Variants in SLC25A25 observed in about 807,000 individuals in gnomAD.
SLC25A25 encodes the protein mitochondrial adenyl nucleotide antiporter SLC25A25.
In SLC25A25, 32 loss-of-function variants were observed where a neutral mutation model predicts 57.7. That is an observed-to-expected ratio of 0.55 (90% CI 0.42 to 0.74). The LOEUF (loss-of-function observed/expected upper bound fraction) is 0.74, where lower values mean the gene tolerates loss of function less well. SLC25A25 is among the 30% of genes least tolerant of loss of function. The probability of loss-of-function intolerance (pLI) is 0.00; values close to 1 mark genes in which losing one functional copy is unlikely to be tolerated. For missense variants in SLC25A25, 556 were observed against 701.3 expected (o/e 0.79, Z 2.34); for synonymous variants, 306 against 291.2 (o/e 1.05, Z -0.52).
rs114507768 is a variant in SLC25A25, at chr9:128,086,862, G to A, written c.262-14234G>A. 7.5e-3 allele frequency among the ~76,000 whole-genome samples: 1,146 copies of A among 152,222 alleles called. 16 individuals carry two copies. Among genetic ancestry groups the A allele is most frequent in the African/African-American group, 0.027 (1,102 of 41,532 alleles). The stretch of plus-strand genomic sequence containing the variant: ...CCTCATGCATTTTACTGTTACACAC[G>A]TTATAAACCCACAGTGTATTGTTTT... On this transcript the variant is annotated intron_variant, in intron 1 of 10. Coordinates refer to ENST00000373069, the MANE Select transcript of SLC25A25 (RefSeq NM_001330988.2).
intron 1 of SLC25A25, among the ~76,000 whole-genome samples, chr9:128,080,234 A>G (rs139718385): frequency 1.3e-5 from 1 of 75,866 alleles, no homozygotes; most frequent in Non-Finnish European, 3.3e-5. Context: ...CCATCTAAAA[A>G]AAAAAAACAA....
intron 1 of SLC25A25, among the ~76,000 whole-genome samples, chr9:128,083,091 T>G (rs12335413): frequency 0.74 from 112,754 of 151,590 alleles, 43,713 homozygotes; most frequent in Non-Finnish European, 0.85. Context: ...AGCCGGGCAT[T>G]GTGGCGGGCG....
rs953406299 is a variant in SLC25A25, at chr9:128,105,235, A to G, written c.784-494A>G. Among the ~76,000 whole-genome samples the G allele has an allele frequency of 2.3e-5, 3 of 129,002 alleles. No individual in the cohort carries two copies. In the East Asian group the frequency reaches 7.2e-4, roughly 31 times the overall value. The allele number at this position is 129,002 out of a possible 152,430, so 84.6% of individuals were successfully genotyped here. On this transcript the variant is annotated intron_variant, in intron 6 of 10. Coordinates refer to ENST00000373069, the MANE Select transcript of SLC25A25 (RefSeq NM_001330988.2). ...GCCCAGGCTGGAGTACAGGGGCGCG[A>G]TCTTGGCTCACTGCAACCTCCACCT... is the stretch of plus-strand genomic sequence containing the variant.
At position 128,075,185 on chromosome 9, in the gene SLC25A25, G is replaced by GTAGTC. The variant is rs1421865103; in HGVS notation, c.261+6609_261+6613dup. Reference sequence around the variant, plus strand: ...TAGCTGGGCATGGTGGCCCATGCCTGTAGTCTAGCTACTCGGGAGGCTGGG... The same window carrying GTAGTC: ...TAGCTGGGCATGGTGGCCCATGCCTGTAGTCTAGTCTAGCTACTCGGGAGGCTGGG... On this transcript the variant is annotated intron_variant, in intron 1 of 10. Coordinates refer to ENST00000373069, the MANE Select transcript of SLC25A25 (RefSeq NM_001330988.2). Among the ~76,000 whole-genome samples, 6 of 152,212 alleles carry GTAGTC rather than the reference G, an allele frequency of 3.9e-5. No individual in the cohort carries two copies. The East Asian group carries it at 1.2e-3, about 29-fold the overall frequency.
chr9:128,108,479 C>T lies in SLC25A25; in HGVS notation c.*1035C>T. On this transcript the variant is annotated 3_prime_UTR_variant, in exon 11 of 11. Coordinates refer to ENST00000373069, the MANE Select transcript of SLC25A25 (RefSeq NM_001330988.2). ...CCCAGCAGGGGCGCAGCGGGACCAG[C>T]CCCACATTCCACTTGTGTCACTGCT... 2.6e-6 allele frequency: 1 copy of T among 390,510 alleles called. No individual in the cohort carries two copies. The highest frequency in any genetic ancestry group is 4.5e-6 in the Non-Finnish European group (1 of 221,290). 24.2% of individuals were successfully genotyped at this position (390,510 alleles called of 1,614,324 possible).
Position 128,108,475 on chromosome 9 carries a change from C to G in SLC25A25, c.*1031C>G, listed in dbSNP as rs1220491222. Reference sequence around the variant, plus strand: ...CAACCCCAGCAGGGGCGCAGCGGGACCAGCCCCACATTCCACTTGTGTCAC... The same window carrying G: ...CAACCCCAGCAGGGGCGCAGCGGGAGCAGCCCCACATTCCACTTGTGTCAC... On this transcript the variant is annotated 3_prime_UTR_variant, in exon 11 of 11. Coordinates refer to ENST00000373069, the MANE Select transcript of SLC25A25 (RefSeq NM_001330988.2). The G allele has an allele frequency of 5.1e-6, 2 of 391,394 alleles. No homozygotes were observed. Among genetic ancestry groups the G allele is most frequent in the Non-Finnish European group, 4.5e-6 (1 of 221,920 alleles). The allele number at this position is 391,394 out of a possible 1,614,324, so 24.2% of individuals were successfully genotyped here. A position where few individuals can be genotyped will look rare whatever the true frequency, so the allele number is the denominator to read the frequency against.
intron 1 of SLC25A25, among the ~76,000 whole-genome samples, chr9:128,073,222 T>G (rs1832943019): frequency 6.6e-6 from 1 of 152,162 alleles, no homozygotes; most frequent in Non-Finnish European, 1.5e-5. Flanking sequence ...TTAACACAGT[T>G]TTTTTCAGGA....
At chr9:128,107,211 G>A (rs757298669) in intron 10 of SLC25A25, 32 bp downstream of exon 10, 21 of 1,613,036 alleles carry the variant, frequency 1.3e-5, no homozygotes, top group Middle Eastern at 1.6e-4. Context: ...CCCCTGGGAG[G>A]TCGGGGGGAG....
At chr9:128,074,582 G>C (rs182928089) in intron 1 of SLC25A25, among the ~76,000 whole-genome samples, 2 of 151,830 alleles carry the variant, frequency 1.3e-5, no homozygotes, top group African/African-American at 2.4e-5. Flanking sequence ...GGTGGCACAC[G>C]CCTGTAATCC....
chr9:128,083,261 T>G (rs12115184), intron 1 of SLC25A25, among the ~76,000 whole-genome samples: 17,754 of 149,872 alleles, frequency 0.12, 1,423 homozygotes, highest in Middle Eastern at 0.21. Context: ...AAGTGTTTTT[T>G]TTTGTTTGTT....
intron 1 of SLC25A25, chr9:128,098,757 C>A: frequency 6.2e-7 from 1 of 1,608,892 alleles, no homozygotes; most frequent in Non-Finnish European, 8.5e-7. Context: ...AAGGGAGAGG[C>A]GCATTCAACC....
Position 128,068,500 on chromosome 9 carries a change from C to G in SLC25A25, c.181C>G (p.Arg61Gly), listed in dbSNP as rs1489244846. The change falls in exon 1 of 11, where the codon CGG (arginine) becomes GGG (glycine). Residue 61 changes from arginine (R) to glycine (G), a missense_variant. By Grantham distance (125) the Arg-to-Gly change is moderately radical. This residue lies in a region of SLC25A25 where 248 missense variants were observed against 273.5 expected (regional missense o/e 0.91). Coordinates refer to ENST00000373069, the MANE Select transcript of SLC25A25 (RefSeq NM_001330988.2). ...WRLFQTLDVN[R>G]DGGLCVNDLA... ...ACTCTTTCAGACGCTCGACGTCAACCGGGACGGCGGCCTGTGTGTCAACGA... is the reference window on the plus strand; with the variant it reads ...ACTCTTTCAGACGCTCGACGTCAACGGGGACGGCGGCCTGTGTGTCAACGA... 8.6e-6 allele frequency: 13 copies of G among 1,509,578 alleles called. No individual in the cohort carries two copies. The highest frequency in any genetic ancestry group is 1.1e-5 in the Non-Finnish European group (13 of 1,134,800). 93.5% of individuals were successfully genotyped at this position (1,509,578 alleles called of 1,614,324 possible).
At chr9:128,105,385 G>A (rs1378470145) in intron 6 of SLC25A25, among the ~76,000 whole-genome samples, 1 of 151,726 alleles carries the variant, frequency 6.6e-6, no homozygotes, top group African/African-American at 2.4e-5. Context: ...TGGCTGGGCT[G>A]GTCTCGAACT....
chr9:128,100,176 A>G (rs1203122474), intron 1 of SLC25A25, among the ~76,000 whole-genome samples: 2 of 150,410 alleles, frequency 1.3e-5, no homozygotes, highest in African/African-American at 2.4e-5. Context: ...GACATTTCCT[A>G]CCTCCTAGAG....
chr9:128,077,383 G>A (rs530680260), intron 1 of SLC25A25, among the ~76,000 whole-genome samples: 1 of 152,266 alleles, frequency 6.6e-6, no homozygotes, highest in African/African-American at 2.4e-5. Context: ...CGGGCGCGGT[G>A]GCGGGCGCCT....
rs368122188 is a variant in SLC25A25 at position 128,106,317 on chromosome 9, G to C, written c.1045-36G>C. 22 of 1,613,814 alleles carry C rather than the reference G, an allele frequency of 1.4e-5. No homozygotes were observed. The African/African-American group carries it at 2.8e-4, about 21-fold the overall frequency. Reference sequence around the variant, plus strand: ...GGCACAGGACTGGGGAGAGGCACAGGCTGTGCTCACGCGTCCCGCTGCTCC... The same window carrying C: ...GGCACAGGACTGGGGAGAGGCACAGCCTGTGCTCACGCGTCCCGCTGCTCC... On this transcript the variant is annotated intron_variant, in intron 8 of 10. Coordinates refer to ENST00000373069, the MANE Select transcript of SLC25A25 (RefSeq NM_001330988.2).
Position 128,068,583 on chromosome 9 carries a change from A to AG in SLC25A25, c.261+5dup. The AG allele has an allele frequency of 7.1e-7, 1 of 1,412,914 alleles. No homozygotes were observed. The highest frequency in any genetic ancestry group is 9.2e-7 in the Non-Finnish European group (1 of 1,086,270). The allele number at this position is 1,412,914 out of a possible 1,614,324, so 87.5% of individuals were successfully genotyped here. On this transcript the variant is annotated splice_donor_region_variant and intron_variant, in intron 1 of 10. Coordinates refer to ENST00000373069, the MANE Select transcript of SLC25A25 (RefSeq NM_001330988.2). ...ACCGCACCGAGGGCGAGCTCCAGGTAGGCTGCGCGCGTCCTCAGCACTGGC... is the reference window on the plus strand; with the variant it reads ...ACCGCACCGAGGGCGAGCTCCAGGTAGGGCTGCGCGCGTCCTCAGCACTGGC...
rs1168788223 is a variant in SLC25A25 at position 128,095,239 on chromosome 9, C to T, written c.262-5857C>T. ...TATCACCTACTGTCTGGCTTACCGG[C>T]ATCCTTTGGGAACTGAATACTAAAA... On this transcript the variant is annotated intron_variant, in intron 1 of 10. Transcript: ENST00000373069. The surrounding 1 kb of genome is among the most constrained non-coding windows in gnomAD (Gnocchi z 4.4). Among the ~76,000 whole-genome samples, 1 of 152,244 alleles carries T rather than the reference C, an allele frequency of 6.6e-6. No individual in the cohort carries two copies. The highest frequency in any genetic ancestry group is 1.5e-5 in the Non-Finnish European group (1 of 68,048).
rs374588749 is a variant in SLC25A25, at chr9:128,107,462, G to A, written c.*18G>A. 3.3e-5 allele frequency: 49 copies of A among 1,505,020 alleles called. 1 individual carries two copies. The Admixed American group carries it at 4.6e-4, about 14-fold the overall frequency. 93.2% of individuals were successfully genotyped at this position (1,505,020 alleles called of 1,614,324 possible). ...CGCGGTGACGGGGGGAGGGCCGCCC[G>A]GCAGTGGACTCGCTGATCCTGGGCC... On this transcript the variant is annotated 3_prime_UTR_variant, in exon 11 of 11. Coordinates refer to ENST00000373069, the MANE Select transcript of SLC25A25 (RefSeq NM_001330988.2).
Sources: allele counts gnomAD v4.1 joint callset (sites outside exome capture counted in the v4.1 genomes callset), GRCh38; gene constraint gnomAD v4.1.1; regional missense constraint gnomAD v4.1.1; non-coding constraint Gnocchi (gnomAD v3.1); transcripts MANE v1.5; gene names NCBI Gene and HGNC (gene_info 2026-07-23, HGNC 2026-07-21).